Variants in TTLL5 observed in about 807,000 individuals in gnomAD.
TTLL5 encodes the protein tubulin tyrosine ligase like 5, also known as tubulin polyglutamylase TTLL5.
In TTLL5, 132 loss-of-function variants were observed where a neutral mutation model predicts 168.4. That is an observed-to-expected ratio of 0.78 (90% CI 0.68 to 0.91). The LOEUF is 0.91. Ranked by LOEUF, TTLL5 falls within the 40% of genes least tolerant of loss-of-function variation. The pLI is 0.00. For synonymous variants in TTLL5, 546 were observed against 558.6 expected, an observed-to-expected ratio of 0.98 and a Z score of 0.32; for missense variants, 1,545 against 1,581.5, an observed-to-expected ratio of 0.98 and a Z score of 0.39.
intron 28 of TTLL5, among the ~76,000 whole-genome samples, chr14:75,859,412 A>C (rs1441275254): frequency 6.6e-6 from 1 of 152,206 alleles, no homozygotes; most frequent in Non-Finnish European, 1.5e-5. Flanking sequence ...ATTTAGAAAA[A>C]TTTGCAATAT....
At chr14:75,820,214 TC>T in intron 28 of TTLL5, 53 bp downstream of exon 28, 1 of 1,483,880 alleles carries the variant, frequency 6.7e-7, no homozygotes, top group Non-Finnish European at 8.9e-7. Flanking sequence ...ATGGCCTGTG[TC>T]CCAAGCAAGC....
chr14:75,865,195 G>A (rs2030403267), intron 29 of TTLL5, among the ~76,000 whole-genome samples: 1 of 151,438 alleles, frequency 6.6e-6, no homozygotes, highest in Non-Finnish European at 1.5e-5. Context: ...TTGAGGTCTT[G>A]AGGATAGTAG....
At chr14:75,800,079 C>T (rs1426406139) in intron 27 of TTLL5, among the ~76,000 whole-genome samples, 1 of 152,178 alleles carries the variant, frequency 6.6e-6, no homozygotes, top group African/African-American at 2.4e-5. Context: ...TTTTAGATTT[C>T]TCTTCTTCCT....
chr14:75,936,183 G>A (rs1391919783), intron 31 of TTLL5, among the ~76,000 whole-genome samples: 1 of 151,884 alleles, frequency 6.6e-6, no homozygotes, highest in African/African-American at 2.4e-5. Flanking sequence ...AATCATATGA[G>A]AAATACTTCT....
At chr14:75,670,263 C>T (rs868166050) in intron 3 of TTLL5, among the ~76,000 whole-genome samples, 3 of 151,686 alleles carry the variant, frequency 2.0e-5, no homozygotes, top group African/African-American at 7.3e-5. Context: ...CAGGATCTCA[C>T]TGTGTTGCCT....
intron 31 of TTLL5, among the ~76,000 whole-genome samples, chr14:75,942,770 G>A (rs900911621): frequency 2.0e-5 from 3 of 152,196 alleles, no homozygotes; most frequent in African/African-American, 7.2e-5. Flanking sequence ...GGGTGCTAAC[G>A]AAAGAACAGA....
intron 30 of TTLL5, chr14:75,886,630 T>TA: frequency 1.3e-6 from 2 of 1,548,760 alleles, no homozygotes; most frequent in Non-Finnish European, 1.7e-6. Context: ...TTTTTTTTTT[T>TA]ACCATTTTCC....
At chr14:75,921,069 GTTGT>G (rs1398973228) in intron 31 of TTLL5, among the ~76,000 whole-genome samples, 3 of 152,118 alleles carry the variant, frequency 2.0e-5, no homozygotes, top group South Asian at 2.1e-4. Flanking sequence ...TTTTGATGGG[GTTGT>G]TTGTTTGTTC....
At chr14:75,807,063 GCGCAAGGCCTTT>G (rs1893698827) in intron 27 of TTLL5, among the ~76,000 whole-genome samples, 1 of 152,124 alleles carries the variant, frequency 6.6e-6, no homozygotes, top group Non-Finnish European at 1.5e-5. Context: ...TCATCACCTA[GCGCAAGGCCTTT>G]CACTTGGCAG....
At chr14:75,759,276 GA>G (rs1340791507) in intron 18 of TTLL5, among the ~76,000 whole-genome samples, 1 of 152,106 alleles carries the variant, frequency 6.6e-6, no homozygotes, top group African/African-American at 2.4e-5. Flanking sequence ...CAGCTTAGTT[GA>G]AATGACAATT....
At chr14:75,922,050 T>C (rs2033846072) in intron 31 of TTLL5, among the ~76,000 whole-genome samples, 1 of 152,228 alleles carries the variant, frequency 6.6e-6, no homozygotes, top group Admixed American at 6.5e-5. Flanking sequence ...GTTACTGGTG[T>C]ATAGGAATGC....
chr14:75,887,662 C>A lies in TTLL5; in HGVS notation c.3740+4760C>A, dbSNP rs181972618. ...GAACTTATATGACCCGCTGTGCTCACCTCAGACTCTTCCCCCTACATCACT... is the reference window on the plus strand; with the variant it reads ...GAACTTATATGACCCGCTGTGCTCAACTCAGACTCTTCCCCCTACATCACT... On this transcript the variant is annotated intron_variant, in intron 30 of 31. Transcript: ENST00000298832. 5.3e-5 allele frequency among the ~76,000 whole-genome samples: 8 copies of A among 152,290 alleles called. No homozygotes were observed. In the East Asian group the frequency reaches 1.5e-3, roughly 29 times the overall value.
intron 26 of TTLL5, among the ~76,000 whole-genome samples, chr14:75,791,695 C>G (rs1892737716): frequency 6.6e-6 from 1 of 151,938 alleles, no homozygotes; most frequent in Non-Finnish European, 1.5e-5. Context: ...ACTACATATA[C>G]AGCTATTATA....
intron 21 of TTLL5, 129 bp from the exon 22 acceptor site, chr14:75,775,355 G>T: frequency 9.6e-7 from 1 of 1,045,088 alleles, no homozygotes; most frequent in Non-Finnish European, 1.4e-6. Flanking sequence ...TTTTGTTCTG[G>T]GTCTTGTTTG....
At chr14:75,666,782 G>A (rs942879077) in intron 2 of TTLL5, among the ~76,000 whole-genome samples, 2 of 152,142 alleles carry the variant, frequency 1.3e-5, no homozygotes, top group Non-Finnish European at 2.9e-5. Flanking sequence ...ATGTAGGCTG[G>A]GTCCCAGGAG....
At chr14:75,777,310 GAATT>G (rs1221512575) in intron 23 of TTLL5, among the ~76,000 whole-genome samples, 1 of 152,152 alleles carries the variant, frequency 6.6e-6, no homozygotes, top group Non-Finnish European at 1.5e-5. Context: ...TACTGGGTCT[GAATT>G]TGTCCCTGAC....
rs539432302 is a variant in TTLL5 at position 75,853,770 on chromosome 14, G to A, written c.3327-9897G>A. ...AAAAAATCATCTATTTTGGCTGGAC[G>A]CAGTGGCTTACGCCTGTAATCCCAG... is the stretch of plus-strand genomic sequence containing the variant. On this transcript the variant is annotated intron_variant, in intron 28 of 31. Transcript: ENST00000298832. 9.9e-5 allele frequency among the ~76,000 whole-genome samples: 15 copies of A among 152,272 alleles called. No homozygotes were observed. In the East Asian group the frequency reaches 2.9e-3, roughly 29 times the overall value.
chr14:75,950,942 T>C (rs1253210075), intron 31 of TTLL5, among the ~76,000 whole-genome samples: 1 of 151,980 alleles, frequency 6.6e-6, no homozygotes, highest in Admixed American at 6.6e-5. Context: ...CACTCCAGCC[T>C]GGGCAACAGA....
At chr14:75,806,092 G>A (rs1056009345) in intron 27 of TTLL5, among the ~76,000 whole-genome samples, 3 of 150,492 alleles carry the variant, frequency 2.0e-5, no homozygotes, top group African/African-American at 4.9e-5. Context: ...GCAGTGGTGC[G>A]CGATCTCAGC....
Sources: allele counts gnomAD v4.1 joint callset (sites outside exome capture counted in the v4.1 genomes callset), GRCh38; gene constraint gnomAD v4.1.1; transcripts MANE v1.5; gene names NCBI Gene and HGNC (gene_info 2026-07-23, HGNC 2026-07-21).